HABP2: variants seen among roughly 807,000 people sequenced by gnomAD.
HABP2 encodes the protein factor VII-activating protease.
A neutral mutation model predicts 66.5 loss-of-function variants in HABP2; 65 were observed. The observed-to-expected ratio is 0.98, with a 90% CI of 0.80 to 1.20. The LOEUF (loss-of-function observed/expected upper bound fraction) is 1.20, where lower values mean the gene tolerates loss of function less well. Among genes scored for constraint, HABP2 ranks in the 50% most tolerant of loss-of-function variants. HABP2 has a pLI of 0.00. For synonymous variants in HABP2, 263 were observed against 253.9 expected (o/e 1.04, Z -0.34); for missense variants, 786 against 691.0 (o/e 1.14, Z -1.54).
At chr10:113,587,882 A>G (rs1339087670) in intron 12 of HABP2, among the ~76,000 whole-genome samples, 5 of 151,680 alleles carry the variant, frequency 3.3e-5, no homozygotes, top group Admixed American at 6.6e-5. Context: ...GGAGTCCCCA[A>G]CCTCCTCCCC....
intron 11 of HABP2, among the ~76,000 whole-genome samples, chr10:113,585,557 G>A (rs1412472233): frequency 6.6e-6 from 1 of 152,120 alleles, no homozygotes; most frequent in African/African-American, 2.4e-5. Context: ...GCCTACCTGG[G>A]GAAAGAGAGG....
chr10:113,568,263 G>T (rs1845237144), intron 2 of HABP2, among the ~76,000 whole-genome samples: 1 of 152,196 alleles, frequency 6.6e-6, no homozygotes, highest in South Asian at 2.1e-4. Flanking sequence ...CACTCCATCT[G>T]GCCAGAGGCC....
rs759518514 is a variant in HABP2 at position 113,567,552 on chromosome 10, T to G, written c.106+27T>G. The G allele has an allele frequency of 5.2e-6, 8 of 1,551,268 alleles. No individual in the cohort carries two copies. In the South Asian group the frequency reaches 6.7e-5, roughly 13 times the overall value. On this transcript the variant is annotated intron_variant, in intron 2 of 12. Coordinates refer to ENST00000351270, the MANE Select transcript of HABP2 (RefSeq NM_004132.5). ...TAAGTGTGCTGATCTCCCTGGGGCT[T>G]CCCACCAATCCCAGGCTGGTTCTGG...
rs1265491710 is a variant in HABP2, at chr10:113,589,248, G to A, written c.*879G>A. On this transcript the variant is annotated 3_prime_UTR_variant, in exon 13 of 13. Coordinates refer to ENST00000351270, the MANE Select transcript of HABP2 (RefSeq NM_004132.5). ...CCAAGAAAAAGGGCCTTCAAGGCAG[G>A]AATGAGAAAGCAAAGCCAATCTCTC... is the stretch of plus-strand genomic sequence containing the variant. 1 of 603,244 alleles carries A rather than the reference G, an allele frequency of 1.7e-6. No homozygotes were observed. Among genetic ancestry groups the A allele is most frequent in the South Asian group, 2.1e-5 (1 of 46,800 alleles). 37.4% of individuals were successfully genotyped at this position (603,244 alleles called of 1,614,324 possible).
chr10:113,573,172 G>A (rs11575676), intron 2 of HABP2, among the ~76,000 whole-genome samples: 8,438 of 152,266 alleles, frequency 0.055, 331 homozygotes, highest in Non-Finnish European at 0.081. Context: ...CGGCTGGAGA[G>A]AGCAAAGTCA....
intron 9 of HABP2, 52 bp downstream of exon 9, chr10:113,582,183 T>C: frequency 6.5e-7 from 1 of 1,542,612 alleles, no homozygotes; most frequent in Non-Finnish European, 8.7e-7. Flanking sequence ...CTGGGGGTGC[T>C]CTCCCCTTCC....
rs755852045 is a variant in HABP2 at position 113,584,183 on chromosome 10, G to C, written c.1273G>C (p.Ala425Pro). 2 of 1,613,710 alleles carry C rather than the reference G, an allele frequency of 1.2e-6. No individual in the cohort carries two copies. The highest frequency in any genetic ancestry group is 2.2e-5 in the South Asian group (2 of 91,064). Residue 425 changes from alanine to proline, a missense_variant, in exon 11 of 13, where the codon GCT (alanine) becomes CCT (proline). Coordinates refer to ENST00000351270, the MANE Select transcript of HABP2 (RefSeq NM_004132.5). The stretch of plus-strand genomic sequence containing the variant: ...GTTAAAGCCAGTGGATGGTCACTGT[G>C]CTCTAGAATCCAAATACGTGAAGAC... ...LKLKPVDGHCALESKYVKTVC... is the reference protein window; with the variant it reads ...LKLKPVDGHCPLESKYVKTVC...
chr10:113,574,462 T>A, intron 3 of HABP2, 57 bp downstream of exon 3: 2 of 837,674 alleles, frequency 2.4e-6, no homozygotes, highest in Admixed American at 1.9e-5. Context: ...GCGGAGTGTA[T>A]GTGGGACCAC....
chr10:113,577,089 C>A, intron 4 of HABP2, 61 bp from the exon 5 acceptor site: 1 of 909,302 alleles, frequency 1.1e-6, no homozygotes, highest in Non-Finnish European at 1.9e-6. Context: ...TTGTTTTATA[C>A]ATGTATCCCT....
intron 1 of HABP2, among the ~76,000 whole-genome samples, chr10:113,567,085 G>A (rs770042665): frequency 6.6e-6 from 1 of 152,126 alleles, no homozygotes; most frequent in Non-Finnish European, 1.5e-5. Context: ...TTTCTCATCT[G>A]TAAACAAGGC....
Position 113,589,430 on chromosome 10 carries a change from G to T in HABP2, c.*1061G>T. Reference sequence around the variant, plus strand: ...GGATTGATGTAGCCCCGGTAGGTTTGCCTCTGCAGAACTAATGGCTGTGAC... The same window carrying T: ...GGATTGATGTAGCCCCGGTAGGTTTTCCTCTGCAGAACTAATGGCTGTGAC... On this transcript the variant is annotated 3_prime_UTR_variant, in exon 13 of 13. Transcript: ENST00000351270. The T allele has an allele frequency of 1.7e-6, 1 of 594,390 alleles. No homozygotes were observed. Among genetic ancestry groups the T allele is most frequent in the Non-Finnish European group, 2.9e-6 (1 of 339,888 alleles). 36.8% of individuals were successfully genotyped at this position (594,390 alleles called of 1,614,324 possible).
chr10:113,578,571 TGGGAGTGGCA>T, intron 6 of HABP2, 46 bp from the exon 7 acceptor site: 2 of 1,276,146 alleles, frequency 1.6e-6, no homozygotes, highest in South Asian at 2.5e-5. Context: ...AAGCCCTTTT[TGGGAGTGGCA>T]TGCCAATGGC....
intron 1 of HABP2, among the ~76,000 whole-genome samples, chr10:113,563,681 G>A (rs893008746): frequency 2.6e-5 from 4 of 152,198 alleles, no homozygotes; most frequent in Admixed American, 1.3e-4. Flanking sequence ...CTGTCCCTCA[G>A]GCTCCAGCTG....
Position 113,588,951 on chromosome 10 carries a change from C to G in HABP2, c.*582C>G. The G allele has an allele frequency of 6.4e-7, 1 of 1,573,070 alleles. No homozygotes were observed. Among genetic ancestry groups the G allele is most frequent in the Middle Eastern group, 1.7e-4 (1 of 5,988 alleles). On this transcript the variant is annotated 3_prime_UTR_variant, in exon 13 of 13. Coordinates refer to ENST00000351270, the MANE Select transcript of HABP2 (RefSeq NM_004132.5). ...GGTGAACAAACTTCCTCTCTGGCCT[C>G]TCAGGAATCAGGGTGGACATGGCTC...
rs969087211 is a variant in HABP2, at chr10:113,582,031, C to T, written c.994C>T (p.Gln332Ter). ...AGKHPWQASL[Q>*]SSLPLTISMP... ...CAAGCACCCATGGCAGGCGTCCCTC[C>T]AGTCCTCGCTGCCTCTGACCATCTC... The change falls in exon 9 of 13, where the codon CAG (glutamine) becomes TAG (stop). Residue 332 changes from glutamine (Q) to a stop codon, truncating the protein, a stop_gained. Transcript: ENST00000351270. LOFTEE classifies it high-confidence loss of function. 8 of 1,613,962 alleles carry T rather than the reference C, an allele frequency of 5.0e-6. No individual in the cohort carries two copies. The highest frequency in any genetic ancestry group is 1.1e-5 in the South Asian group (1 of 91,094).
At chr10:113,567,399 C>A (rs1845218821) in intron 1 of HABP2, 90 bp from the exon 2 acceptor site, 4 of 952,762 alleles carry the variant, frequency 4.2e-6, no homozygotes, top group Admixed American at 1.8e-5. Flanking sequence ...GCACCTGCAC[C>A]CCATACGATC....
At chr10:113,562,626 G>A (rs1440076651) in intron 1 of HABP2, among the ~76,000 whole-genome samples, 1 of 152,106 alleles carries the variant, frequency 6.6e-6, no homozygotes, top group Non-Finnish European at 1.5e-5. Flanking sequence ...TGTATTTTTA[G>A]TAGAGATGGG....
Position 113,575,913 on chromosome 10 carries a change from C to T in HABP2, c.240C>T (p.Asn80=). The part of the protein sequence containing the change: ...TEDQADPCQP[N]PCEHGGDCLV... Reference sequence around the variant, plus strand: ...GTGTCTTAGATCCATGCCAGCCCAACCCCTGTGAACACGGTGGGGACTGCC... The same window carrying T: ...GTGTCTTAGATCCATGCCAGCCCAATCCCTGTGAACACGGTGGGGACTGCC... The change falls in exon 4 of 13, where the codon AAC becomes AAT. Residue 80 remains asparagine, a synonymous_variant. Coordinates refer to ENST00000351270, the MANE Select transcript of HABP2 (RefSeq NM_004132.5). The T allele has an allele frequency of 6.2e-6, 10 of 1,607,336 alleles. No individual in the cohort carries two copies. Among genetic ancestry groups the T allele is most frequent in the Non-Finnish European group, 8.5e-6 (10 of 1,173,898 alleles).
intron 7 of HABP2, 94 bp from the exon 8 acceptor site, chr10:113,580,501 C>A (rs532813832): frequency 2.7e-6 from 2 of 727,446 alleles, no homozygotes; most frequent in East Asian, 2.5e-5. Flanking sequence ...AGGGGGAGCA[C>A]AAGAGTCTAG....
Sources: gnomAD v4.1 joint callset for allele counts (sites outside exome capture counted in the v4.1 genomes callset) on GRCh38, gnomAD v4.1.1 for gene constraint, MANE v1.5 for transcripts, NCBI Gene and HGNC (gene_info 2026-07-23, HGNC 2026-07-21) for gene names.